Variants in POTEJ observed in about 807,000 individuals in gnomAD.
POTEJ encodes the protein POTE ankyrin domain family, member J.
POTEJ carries 11 observed loss-of-function variants against 69.0 expected under a neutral mutation model. The observed-to-expected ratio is 0.16, with a 90% confidence interval of 0.10 to 0.26. The LOEUF (loss-of-function observed/expected upper bound fraction) is 0.26, where lower values mean the gene tolerates loss of function less well. Ranked by LOEUF, POTEJ falls within the 10% of genes least tolerant of loss-of-function variation. The pLI, the probability that POTEJ is intolerant of heterozygous loss-of-function variation, is 1.00. For synonymous variants in POTEJ, 117 were observed against 381.1 expected (o/e 0.31, Z 8.07); for missense variants, 327 against 1,045.5 (o/e 0.31, Z 9.48).
intron 9 of POTEJ, among the ~76,000 whole-genome samples, chr2:130,637,742 A>T (rs1436577451): frequency 6.6e-6 from 1 of 152,280 alleles, no homozygotes; most frequent in Admixed American, 6.5e-5. Context: ...CCTAAAAAAA[A>T]AAATAAAAGT....
intron 6 of POTEJ, among the ~76,000 whole-genome samples, chr2:130,625,314 T>C (rs1685663021): frequency 6.6e-6 from 1 of 152,070 alleles, no homozygotes; most frequent in South Asian, 2.1e-4. Context: ...CAAATGTCTT[T>C]TAGATAGTAA....
chr2:130,627,021 G>A (rs1685736083), intron 6 of POTEJ, among the ~76,000 whole-genome samples: 1 of 152,178 alleles, frequency 6.6e-6, no homozygotes, highest in African/African-American at 2.4e-5. Flanking sequence ...ATAATTGAAT[G>A]AGAAAGCCTT....
chr2:130,655,302 G>A (rs1486129727), intron 14 of POTEJ, among the ~76,000 whole-genome samples: 2 of 152,164 alleles, frequency 1.3e-5, no homozygotes, highest in South Asian at 2.1e-4. Flanking sequence ...AAGAATTGAC[G>A]ATCTTTCCAC....
chr2:130,625,107 A>T (rs1406598790), intron 6 of POTEJ, among the ~76,000 whole-genome samples: 13 of 152,294 alleles, frequency 8.5e-5, no homozygotes, highest in African/African-American at 3.1e-4. Context: ...CCTTTAATTT[A>T]GCCATCTATT....
intron 9 of POTEJ, among the ~76,000 whole-genome samples, chr2:130,632,963 T>G (rs1685962261): frequency 6.8e-6 from 1 of 147,538 alleles, no homozygotes; most frequent in Non-Finnish European, 1.5e-5. Context: ...ATCATGGAGA[T>G]TTGGACGGCA....
At chr2:130,634,205 TGC>T (rs1309481484) in intron 9 of POTEJ, among the ~76,000 whole-genome samples, 14 of 152,220 alleles carry the variant, frequency 9.2e-5, no homozygotes, top group Non-Finnish European at 2.9e-5. Flanking sequence ...AAAAGGAAGG[TGC>T]TGCAAGTGAA....
intron 13 of POTEJ, among the ~76,000 whole-genome samples, chr2:130,649,005 T>C (rs1686700273): frequency 7.4e-6 from 1 of 134,880 alleles, no homozygotes. Context: ...TTGGCCAGGC[T>C]GGTCTCAAAC....
chr2:130,647,064 G>A (rs1440361514), intron 13 of POTEJ, among the ~76,000 whole-genome samples: 3 of 150,582 alleles, frequency 2.0e-5, no homozygotes, highest in East Asian at 3.8e-4. Flanking sequence ...TAAAAAATTT[G>A]GAGCTAGTCT....
rs751943255 is a variant in POTEJ at position 130,657,028 on chromosome 2, G to C, written c.2268G>C (p.Glu756Asp). Residue 756 changes from glutamate (E) to aspartate (D), a missense_variant, in exon 15 of 15, where the codon GAG becomes GAC. Coordinates refer to ENST00000409602, the MANE Select transcript of POTEJ (RefSeq NM_001277083.2). ...TCTGGCACCACACCTTCTACAACGAGCTGCGTGTGGCCCCCGAGGAGCACC... is the reference window on the plus strand; with the variant it reads ...TCTGGCACCACACCTTCTACAACGACCTGCGTGTGGCCCCCGAGGAGCACC... ...EKIWHHTFYN[E>D]LRVAPEEHPI... is the part of the protein sequence containing the mutation. 3.2e-6 allele frequency: 5 copies of C among 1,582,402 alleles called. 1 individual carries two copies. The African/African-American group carries it at 7.3e-5, about 23-fold the overall frequency.
At chr2:130,640,902 C>G (rs1424468604) in intron 10 of POTEJ, among the ~76,000 whole-genome samples, 23 of 152,182 alleles carry the variant, frequency 1.5e-4, no homozygotes, top group African/African-American at 5.1e-4. Context: ...ATGTGTGCTG[C>G]AGGGGCTCAT....
Position 130,629,098 on chromosome 2 carries a change from G to A in POTEJ, c.1016-851G>A, listed in dbSNP as rs1176490507. On this transcript the variant is annotated intron_variant, in intron 6 of 14. Transcript: ENST00000409602. ...ACATTTTAGATATTGGGAAGACATT[G>A]TACACTAATAAAGGTGTCAGTAGTA... Among the ~76,000 whole-genome samples the A allele has an allele frequency of 2.0e-5, 3 of 152,076 alleles. No homozygotes were observed. The East Asian group carries it at 5.8e-4, about 29-fold the overall frequency.
At chr2:130,629,624 T>C (rs1306093006) in intron 6 of POTEJ, among the ~76,000 whole-genome samples, 1 of 150,440 alleles carries the variant, frequency 6.6e-6, no homozygotes, top group African/African-American at 2.5e-5. Context: ...AATTTCCTTT[T>C]CTTTACATTT....
intron 3 of POTEJ, among the ~76,000 whole-genome samples, chr2:130,618,000 G>GA (rs1429139823): frequency 6.6e-6 from 1 of 151,902 alleles, no homozygotes; most frequent in Non-Finnish European, 1.5e-5. Context: ...AATGTAAGGG[G>GA]AAACCCTTGA....
At chr2:130,652,030 A>G (rs2105261853) in intron 13 of POTEJ, among the ~76,000 whole-genome samples, 1 of 137,904 alleles carries the variant, frequency 7.3e-6, no homozygotes, top group East Asian at 2.0e-4. Context: ...TCAAATTGTA[A>G]TTCCCAGGTG....
intron 9 of POTEJ, among the ~76,000 whole-genome samples, chr2:130,638,322 A>G (rs1472469740): frequency 6.6e-6 from 1 of 151,608 alleles, no homozygotes; most frequent in East Asian, 1.9e-4. Context: ...ATAGCTGTTC[A>G]TTATGGAGCT....
Position 130,612,449 on chromosome 2 carries a change from T to C in POTEJ, c.410+507T>C, listed in dbSNP as rs1409489373. 1.9e-4 allele frequency among the ~76,000 whole-genome samples: 29 copies of C among 152,178 alleles called. No individual in the cohort carries two copies. The East Asian group carries it at 4.6e-3, about 24-fold the overall frequency. ...TGGGAAGATGGTTCCTGTGCTTGAA[T>C]AGGAAGATTGAATTTTCTTAAGATG... On this transcript the variant is annotated intron_variant, in intron 1 of 14. Coordinates refer to ENST00000409602, the MANE Select transcript of POTEJ (RefSeq NM_001277083.2).
At chr2:130,652,965 C>G (rs1416190550) in intron 13 of POTEJ, among the ~76,000 whole-genome samples, 10 of 141,390 alleles carry the variant, frequency 7.1e-5, no homozygotes, top group African/African-American at 2.1e-4. Flanking sequence ...GATATTAGTC[C>G]TTTGTTAGCA....
Position 130,616,183 on chromosome 2 carries a change from A to G in POTEJ, c.411-607A>G, listed in dbSNP as rs201004150. On this transcript the variant is annotated intron_variant, in intron 1 of 14. Transcript: ENST00000409602. ...GAGAATTATTTAAATGCCGCAAATTATAGTAAATCATGAATTGTAAGTGGT... is the reference window on the plus strand; with the variant it reads ...GAGAATTATTTAAATGCCGCAAATTGTAGTAAATCATGAATTGTAAGTGGT... Among the ~76,000 whole-genome samples the G allele has an allele frequency of 3.8e-3, 505 of 134,562 alleles. 32 individuals carry two copies. The South Asian group carries it at 0.059, about 16-fold the overall frequency. 88.3% of individuals were successfully genotyped at this position (134,562 alleles called of 152,430 possible).
chr2:130,641,699 G>A (rs1173358820), intron 10 of POTEJ, among the ~76,000 whole-genome samples: 11 of 151,768 alleles, frequency 7.2e-5, no homozygotes, highest in Non-Finnish European at 1.3e-4. Context: ...CAGGTCAGCA[G>A]GAATGACTAA....
Sources: allele counts gnomAD v4.1 joint callset (sites outside exome capture counted in the v4.1 genomes callset), GRCh38; gene constraint gnomAD v4.1.1; transcripts MANE v1.5; gene names NCBI Gene and HGNC (gene_info 2026-07-23, HGNC 2026-07-21).